ZNF569: variants seen among roughly 807,000 people sequenced by gnomAD.
ZNF569 encodes DNA-binding protein.
A neutral mutation model predicts 56.3 loss-of-function variants in ZNF569; 38 were observed. The ratio of observed to expected loss-of-function variants is 0.68; its 90% confidence interval spans 0.52 to 0.88. The LOEUF (loss-of-function observed/expected upper bound fraction) is 0.88. Ranked by LOEUF, ZNF569 falls within the 40% of genes least tolerant of loss-of-function variation. The pLI, the probability that ZNF569 is intolerant of heterozygous loss-of-function variation, is 0.00. For missense variants in ZNF569, 666 were observed against 809.2 expected, an observed-to-expected ratio of 0.82 and a Z score of 2.15; for synonymous variants, 241 against 262.9, an observed-to-expected ratio of 0.92 and a Z score of 0.81.
chr19:37,458,702 A>T (rs1181877078), intron 2 of ZNF569, among the ~76,000 whole-genome samples: 3 of 152,218 alleles, frequency 2.0e-5, no homozygotes, highest in Non-Finnish European at 4.4e-5. Flanking sequence ...GGCCCAGCAC[A>T]ACCTATATAA....
chr19:37,423,675 C>A (rs950020560), intron 5 of ZNF569, among the ~76,000 whole-genome samples: 1 of 152,078 alleles, frequency 6.6e-6, no homozygotes, highest in African/African-American at 2.4e-5. Context: ...TGCCAATCAG[C>A]TCAATATGTT....
chr19:37,418,809 G>C (rs2040980812), intron 5 of ZNF569, among the ~76,000 whole-genome samples: 1 of 152,176 alleles, frequency 6.6e-6, no homozygotes, highest in African/African-American at 2.4e-5. Flanking sequence ...CTAGAGTCAG[G>C]GACACCAGGC....
Position 37,438,856 on chromosome 19 carries a change from CAG to C in ZNF569, c.15+6049_15+6050del, listed in dbSNP as rs1389121103. ...AAATATATGTAAACTATCCATCAGA[CAG>C]GGGATTAATAACTAGAATATATAAG... On this transcript the variant is annotated intron_variant, in intron 3 of 5. Coordinates refer to ENST00000316950, the MANE Select transcript of ZNF569 (RefSeq NM_152484.3). Among the ~76,000 whole-genome samples the C allele has an allele frequency of 9.2e-5, 14 of 152,068 alleles. No individual in the cohort carries two copies. In the East Asian group the frequency reaches 2.1e-3, roughly 23 times the overall value.
chr19:37,431,903 A>T (rs1360058991), intron 3 of ZNF569, among the ~76,000 whole-genome samples: 1 of 152,162 alleles, frequency 6.6e-6, no homozygotes, highest in Non-Finnish European at 1.5e-5. Flanking sequence ...CATACTTGCC[A>T]TGGGCCTGGG....
At chr19:37,415,023 A>G (rs2040904369) in intron 5 of ZNF569, among the ~76,000 whole-genome samples, 1 of 152,146 alleles carries the variant, frequency 6.6e-6, no homozygotes, top group Non-Finnish European at 1.5e-5. Flanking sequence ...AAAAAAGACA[A>G]AAATTCCTGA....
Position 37,425,889 on chromosome 19 carries a change from C to T in ZNF569, c.217G>A (p.Val73Ile). Residue 73 changes from valine to isoleucine, a missense_variant, in exon 5 of 6, where the codon GTA (valine) becomes ATA (isoleucine). Physicochemically the swap from Val to Ile is conservative, Grantham distance 29 (BLOSUM62 3). Coordinates refer to ENST00000316950, the MANE Select transcript of ZNF569 (RefSeq NM_152484.3). ...TAACCTTGCCAGTGTCTCCTTAATA[C>T]TTCTTCCTCCATCACCCATGGTTCT... ...EEEPWVMEEEVLRRHWQGEIW... is the reference protein window; with the variant it reads ...EEEPWVMEEEILRRHWQGEIW... The T allele has an allele frequency of 3.1e-6, 5 of 1,613,938 alleles. No homozygotes were observed. The highest frequency in any genetic ancestry group is 3.4e-6 in the Non-Finnish European group (4 of 1,179,888).
At chr19:37,430,718 G>C (rs1400934675) in intron 3 of ZNF569, among the ~76,000 whole-genome samples, 1 of 152,110 alleles carries the variant, frequency 6.6e-6, no homozygotes, top group African/African-American at 2.4e-5. Flanking sequence ...CCAAAAATCA[G>C]GTCAGCAGTC....
chr19:37,433,417 A>G (rs1431167574), intron 3 of ZNF569, among the ~76,000 whole-genome samples: 4 of 152,222 alleles, frequency 2.6e-5, no homozygotes, highest in Non-Finnish European at 4.4e-5. Flanking sequence ...GTAGAGAGAC[A>G]GGGGTAGAAA....
At chr19:37,414,942 C>T (rs2040903395) in intron 5 of ZNF569, among the ~76,000 whole-genome samples, 25 of 151,544 alleles carry the variant, frequency 1.6e-4, no homozygotes, top group Admixed American at 1.6e-3. Flanking sequence ...AAGGAAAAAC[C>T]CAGAGATCCA....
intron 2 of ZNF569, among the ~76,000 whole-genome samples, chr19:37,460,985 T>C (rs981668657): frequency 6.6e-6 from 1 of 152,148 alleles, no homozygotes; most frequent in Non-Finnish European, 1.5e-5. Context: ...AAATGATGAA[T>C]ATATAATGGT....
chr19:37,444,833 GT>G, intron 3 of ZNF569, 73 bp downstream of exon 3: 1 of 1,181,642 alleles, frequency 8.5e-7, no homozygotes, highest in Non-Finnish European at 1.2e-6. Flanking sequence ...ATAATTTACT[GT>G]ATGAATTACT....
At chr19:37,452,109 T>C (rs1244393141) in intron 2 of ZNF569, among the ~76,000 whole-genome samples, 1 of 151,870 alleles carries the variant, frequency 6.6e-6, no homozygotes, top group Non-Finnish European at 1.5e-5. Flanking sequence ...CATATGTAGT[T>C]AGTTTGGGGC....
chr19:37,440,869 A>C (rs1472456663), intron 3 of ZNF569, among the ~76,000 whole-genome samples: 1 of 152,216 alleles, frequency 6.6e-6, no homozygotes, highest in Non-Finnish European at 1.5e-5. Flanking sequence ...TGGCAACAAA[A>C]GAACAAATAA....
rs201390884 is a variant in ZNF569 at position 37,452,520 on chromosome 19, CTCA to C, written c.-43-7559_-43-7557del. Among the ~76,000 whole-genome samples the C allele has an allele frequency of 5.1e-3, 779 of 152,174 alleles. 9 individuals carry two copies. Among genetic ancestry groups the C allele is most frequent in the African/African-American group, 0.017 (690 of 41,528 alleles). On this transcript the variant is annotated intron_variant, in intron 2 of 5. Coordinates refer to ENST00000316950, the MANE Select transcript of ZNF569 (RefSeq NM_152484.3). ...TGCTTTGGTTTGGGAAAGTCTTTCT[CTCA>C]TCATCATTTTTAAAGGATAGTTTTG...
In ZNF569 at chr19:37,413,564, TGA is replaced by T; in HGVS notation, c.1092_1093del (p.Gln365ValfsTer9). ...AACATGTATAATAAGCATGGAAAAC[TGA>T]GAGAAGGCTTTACCACATTTATCAC... On this transcript the variant is annotated frameshift_variant, in exon 6 of 6. Coordinates refer to ENST00000316950, the MANE Select transcript of ZNF569 (RefSeq NM_152484.3). LOFTEE classifies it high-confidence loss of function. 6.2e-7 allele frequency: 1 copy of T among 1,613,450 alleles called. No homozygotes were observed. Among genetic ancestry groups the T allele is most frequent in the South Asian group, 1.1e-5 (1 of 90,976 alleles).
In ZNF569 at chr19:37,426,314, G is replaced by A. The variant is rs2041132047; in HGVS notation, c.80C>T (p.Pro27Leu). The A allele has an allele frequency of 6.2e-7, 1 of 1,613,698 alleles. No individual in the cohort carries two copies. Among genetic ancestry groups the A allele is most frequent in the South Asian group, 1.1e-5 (1 of 91,020 alleles). Reference sequence around the variant, plus strand: ...ATTCCGGTACAGTTTTCTCTGAGCAGGATCCAATCTCTTCCACTCCTCCTG... The same window carrying A: ...ATTCCGGTACAGTTTTCTCTGAGCAAGATCCAATCTCTTCCACTCCTCCTG... ...FTQEEWKRLD[P>L]AQRKLYRNVM... is the part of the protein sequence containing the mutation. The change falls in exon 4 of 6, where the codon CCT (proline) becomes CTT (leucine). Residue 27 changes from proline to leucine, a missense_variant. Pro to Leu is a moderately conservative substitution (Grantham distance 98). Transcript: ENST00000316950.
chr19:37,457,896 T>C (rs2041698948), intron 2 of ZNF569, among the ~76,000 whole-genome samples: 2 of 152,232 alleles, frequency 1.3e-5, no homozygotes, highest in African/African-American at 4.8e-5. Flanking sequence ...TCTTTTTTTT[T>C]GGAGACAGAG....
chr19:37,417,440 GGTTTCACCAT>G (rs1286864837), intron 5 of ZNF569, among the ~76,000 whole-genome samples: 1 of 151,874 alleles, frequency 6.6e-6, no homozygotes, highest in East Asian at 1.9e-4. Flanking sequence ...GTAGAGATGG[GGTTTCACCAT>G]GTTGCCCTGG....
chr19:37,454,905 T>C (rs1377102352), intron 2 of ZNF569: 2 of 701,756 alleles, frequency 2.8e-6, no homozygotes, highest in Admixed American at 4.0e-5. Flanking sequence ...TCAGCTGGCA[T>C]CTTTCTTTCC....
Sources: gnomAD v4.1 joint callset for allele counts (sites outside exome capture counted in the v4.1 genomes callset) on GRCh38, gnomAD v4.1.1 for gene constraint, MANE v1.5 for transcripts, NCBI Gene and HGNC (gene_info 2026-07-23, HGNC 2026-07-21) for gene names.